Variants in CERK observed in about 807,000 individuals in gnomAD.
CERK encodes ceramide kinase, also known as acylsphingosine kinase.
In CERK, 39 loss-of-function variants were observed where a neutral mutation model predicts 63.4. The ratio of observed to expected loss-of-function variants is 0.61; its 90% CI spans 0.48 to 0.80. CERK has a LOEUF of 0.80. Among genes scored for constraint, CERK ranks in the 30% least tolerant of loss-of-function variants. The pLI, the probability that CERK is intolerant of heterozygous loss-of-function variation, is 0.00. For synonymous variants in CERK, 302 were observed against 280.0 expected (o/e 1.08, Z -0.78); for missense variants, 670 against 714.1 (o/e 0.94, Z 0.70).
In CERK at chr22:46,691,231, C is replaced by T. The variant is rs113067894; in HGVS notation, c.1332+341G>A. ...CTGGGATTACAGGCGCACGCCACCA[C>T]GCCTGGCTTTTTTGTATTTTTAGTA... On this transcript the variant is annotated intron_variant, in intron 11 of 12. Coordinates refer to ENST00000216264, the MANE Select transcript of CERK (RefSeq NM_022766.6). Among the ~76,000 whole-genome samples the T allele has an allele frequency of 3.3e-3, 500 of 152,228 alleles. 2 individuals are homozygous for T. The highest frequency in any genetic ancestry group is 0.011 in the African/African-American group (476 of 41,534).
chr22:46,689,991 C>T lies in CERK; in HGVS notation c.1541+1G>A. On this transcript the variant is annotated splice_donor_variant, in intron 12 of 12. Coordinates refer to ENST00000216264, the MANE Select transcript of CERK (RefSeq NM_022766.6). LOFTEE classifies it high-confidence loss of function. Reference sequence around the variant, plus strand: ...GGTGGCTGGAGGACCCCTGCACGCACCTGACCTCGATGGCAGGGCTGTGCA... The same window carrying T: ...GGTGGCTGGAGGACCCCTGCACGCATCTGACCTCGATGGCAGGGCTGTGCA... 6.2e-7 allele frequency: 1 copy of T among 1,600,684 alleles called. No homozygotes were observed. The highest frequency in any genetic ancestry group is 2.2e-5 in the East Asian group (1 of 44,744).
intron 1 of CERK, among the ~76,000 whole-genome samples, chr22:46,732,031 G>A (rs1043319454): frequency 2.0e-5 from 3 of 152,244 alleles, no homozygotes; most frequent in African/African-American, 7.2e-5. Context: ...GCTGGAGGCA[G>A]AAGTCATCTG....
chr22:46,733,050 T>C (rs1163098247), intron 1 of CERK, among the ~76,000 whole-genome samples: 2 of 150,990 alleles, frequency 1.3e-5, no homozygotes, highest in Non-Finnish European at 3.0e-5. Context: ...CTTCTAAAAA[T>C]ACAAAAAATT....
intron 2 of CERK, 65 bp from the exon 3 acceptor site, chr22:46,720,273 A>C: frequency 1.3e-6 from 2 of 1,555,704 alleles, no homozygotes; most frequent in Non-Finnish European, 1.7e-6. Context: ...ACCTCAAGTG[A>C]ATATGCACCA....
At chr22:46,724,949 A>T (rs1201943919) in intron 1 of CERK, among the ~76,000 whole-genome samples, 1 of 152,044 alleles carries the variant, frequency 6.6e-6, no homozygotes, top group Admixed American at 6.5e-5. Flanking sequence ...TGAACCAGGG[A>T]GGCGGGGCTT....
At chr22:46,693,601 G>A (rs969194030) in intron 9 of CERK, 98 bp from the exon 10 acceptor site, 17 of 1,038,088 alleles carry the variant, frequency 1.6e-5, no homozygotes, top group Admixed American at 6.0e-5. Flanking sequence ...TTTCACATAC[G>A]AAAAAATTCC....
At chr22:46,733,422 A>T (rs1044086232) in intron 1 of CERK, among the ~76,000 whole-genome samples, 4 of 150,278 alleles carry the variant, frequency 2.7e-5, no homozygotes, top group Non-Finnish European at 5.9e-5. Flanking sequence ...GCCTCCTGAG[A>T]GGCTGGGATT....
chr22:46,710,213 C>T (rs1173123974), intron 5 of CERK, among the ~76,000 whole-genome samples: 2 of 152,150 alleles, frequency 1.3e-5, no homozygotes, highest in African/African-American at 2.4e-5. Context: ...TCGCGTGGAT[C>T]ACCTGAGGTC....
chr22:46,709,932 T>C (rs1477823425), intron 5 of CERK, among the ~76,000 whole-genome samples: 1 of 152,202 alleles, frequency 6.6e-6, no homozygotes, highest in Non-Finnish European at 1.5e-5. Flanking sequence ...CTATTATTTG[T>C]TGGATAAGAG....
chr22:46,715,440 C>T (rs970063463), intron 3 of CERK, among the ~76,000 whole-genome samples: 21 of 152,172 alleles, frequency 1.4e-4, no homozygotes, highest in African/African-American at 4.8e-4. Context: ...TTTCTATACA[C>T]AAACAATAAA....
chr22:46,721,299 A>ATTTT (rs1359569378), intron 1 of CERK, among the ~76,000 whole-genome samples: 1 of 151,580 alleles, frequency 6.6e-6, no homozygotes, highest in African/African-American at 2.4e-5. Flanking sequence ...ACATATATAT[A>ATTTT]TATATTTTTT....
At chr22:46,735,822 C>G (rs1404177566) in intron 1 of CERK, among the ~76,000 whole-genome samples, 1 of 152,224 alleles carries the variant, frequency 6.6e-6, no homozygotes, top group Non-Finnish European at 1.5e-5. Flanking sequence ...CTACTGACCT[C>G]AAGCATAGAA....
At chr22:46,724,889 C>T (rs566008393) in intron 1 of CERK, among the ~76,000 whole-genome samples, 111 of 152,156 alleles carry the variant, frequency 7.3e-4, no homozygotes, top group Non-Finnish European at 4.3e-4. Flanking sequence ...GGTGTGGTGG[C>T]GGGCACCTGT....
intron 8 of CERK, among the ~76,000 whole-genome samples, chr22:46,699,086 G>A (rs2082770384): frequency 6.6e-6 from 1 of 152,028 alleles, no homozygotes; most frequent in African/African-American, 2.4e-5. Flanking sequence ...CTACTCTGTG[G>A]CTTATGCTTG....
At chr22:46,711,673 T>C (rs1311865736) in intron 4 of CERK, among the ~76,000 whole-genome samples, 1 of 152,240 alleles carries the variant, frequency 6.6e-6, no homozygotes, top group Admixed American at 6.5e-5. Context: ...CTTCCTAGTG[T>C]TTTTCTTGAT....
At position 46,687,156 on chromosome 22, in the gene CERK, G is replaced by T. The variant is rs1481415074; in HGVS notation, c.1592C>A (p.Pro531Gln). Residue 531 changes from proline to glutamine, a missense_variant, in exon 13 of 13, where the codon CCG becomes CAG. Pro to Gln is a moderately conservative substitution (Grantham distance 76). Coordinates refer to ENST00000216264, the MANE Select transcript of CERK (RefSeq NM_022766.6). Reference sequence around the variant, plus strand: ...TTCTCAGCTGTGTGAGTCTGGCTTCGGATTCTCTTCAATTCCTCGTGCAAA... The same window carrying T: ...TTCTCAGCTGTGTGAGTCTGGCTTCTGATTCTCTTCAATTCCTCGTGCAAA... ...RLFARGIEEN[P>Q]KPDSHS 1.2e-6 allele frequency: 2 copies of T among 1,614,156 alleles called. No homozygotes were observed. Among genetic ancestry groups the T allele is most frequent in the Non-Finnish European group, 1.7e-6 (2 of 1,180,028 alleles).
At chr22:46,707,469 C>A (rs918179981) in intron 6 of CERK, among the ~76,000 whole-genome samples, 4 of 152,112 alleles carry the variant, frequency 2.6e-5, no homozygotes, top group Admixed American at 6.6e-5. Context: ...TTCCTGCCCA[C>A]ACCCACCCCT....
chr22:46,735,814 A>G (rs2082970376), intron 1 of CERK, among the ~76,000 whole-genome samples: 1 of 152,242 alleles, frequency 6.6e-6, no homozygotes, highest in Non-Finnish European at 1.5e-5. Context: ...CTATGGCCCT[A>G]CTGACCTCAA....
intron 1 of CERK, among the ~76,000 whole-genome samples, chr22:46,730,920 G>A (rs115069217): frequency 3.0e-4 from 46 of 152,352 alleles, no homozygotes; most frequent in African/African-American, 1.1e-3. Context: ...CAGGGAAGGG[G>A]CAGCTTTGCA....
Sources: gnomAD v4.1 joint callset for allele counts (sites outside exome capture counted in the v4.1 genomes callset) on GRCh38, gnomAD v4.1.1 for gene constraint, MANE v1.5 for transcripts, NCBI Gene and HGNC (gene_info 2026-07-23, HGNC 2026-07-21) for gene names.